The following UNC13C variants were observed in gnomAD, a reference collection of about 807,000 sequenced individuals.
UNC13C encodes protein unc-13 homolog C.
In UNC13C, 174 loss-of-function variants were observed where a neutral mutation model predicts 245.4. The observed-to-expected ratio is 0.71, with a 90% CI of 0.63 to 0.80. The LOEUF (loss-of-function observed/expected upper bound fraction) is 0.80. UNC13C is among the 30% of genes least tolerant of loss of function. UNC13C has a pLI of 0.00. For missense variants in UNC13C, 2,829 were observed against 2,602.9 expected (o/e 1.09, Z -1.89); for synonymous variants, 992 against 895.1 (o/e 1.11, Z -1.93).
intron 2 of UNC13C, among the ~76,000 whole-genome samples, chr15:54,088,834 G>C (rs930182554): frequency 6.6e-6 from 1 of 152,180 alleles, no homozygotes; most frequent in East Asian, 1.9e-4. Flanking sequence ...ATAGTTTACT[G>C]TTCTTTCTTC....
chr15:54,620,429 G>A (rs1445383624), intron 30 of UNC13C, among the ~76,000 whole-genome samples: 1 of 152,092 alleles, frequency 6.6e-6, no homozygotes, highest in Non-Finnish European at 1.5e-5. Context: ...CATAACTAAG[G>A]ACATCAAAAC....
intron 4 of UNC13C, among the ~76,000 whole-genome samples, chr15:54,188,113 C>A (rs1044488648): frequency 6.6e-6 from 1 of 152,114 alleles, no homozygotes; most frequent in African/African-American, 2.4e-5. Flanking sequence ...CCTTCGAGCC[C>A]GGCCACACTG....
At chr15:54,255,636 G>T (rs1000950973) in intron 8 of UNC13C, among the ~76,000 whole-genome samples, 1 of 151,648 alleles carries the variant, frequency 6.6e-6, no homozygotes, top group Non-Finnish European at 1.5e-5. Context: ...AGAGCATTAG[G>T]GTTTTTATAG....
the UNC13C span, among the ~76,000 whole-genome samples, chr15:53,905,392 T>C: frequency 1.2e-5 from 1 of 84,690 alleles, no homozygotes; most frequent in African/African-American, 4.2e-5. Flanking sequence ...TATATTATAT[T>C]ACTTTATACA....
chr15:54,188,339 A>C (rs2034066762), intron 4 of UNC13C, among the ~76,000 whole-genome samples: 1 of 152,196 alleles, frequency 6.6e-6, no homozygotes, highest in African/African-American at 2.4e-5. Context: ...TGTGATTATA[A>C]AGAGGTAAAC....
intron 30 of UNC13C, among the ~76,000 whole-genome samples, chr15:54,596,417 G>C (rs1032056599): frequency 6.6e-6 from 1 of 152,140 alleles, no homozygotes; most frequent in African/African-American, 2.4e-5. Flanking sequence ...GGAATATAAA[G>C]AGTATAGCCA....
intron 30 of UNC13C, among the ~76,000 whole-genome samples, chr15:54,576,585 T>G (rs759819627): frequency 3.9e-5 from 6 of 152,216 alleles, no homozygotes; most frequent in Non-Finnish European, 8.8e-5. Context: ...GGAACTGACG[T>G]TGTAGAAATC....
the UNC13C span, among the ~76,000 whole-genome samples, chr15:53,847,618 G>A: frequency 2.6e-5 from 4 of 151,064 alleles, no homozygotes; most frequent in Admixed American, 6.6e-5. Flanking sequence ...TGCCCACCTC[G>A]GCCTCCCAAA....
chr15:54,277,890 A>G (rs889436121), intron 10 of UNC13C, among the ~76,000 whole-genome samples: 31 of 152,186 alleles, frequency 2.0e-4, no homozygotes, highest in African/African-American at 7.2e-4. Context: ...TAAGTAGCTG[A>G]TAAATTGATG....
At position 54,015,898 on chromosome 15, in the gene UNC13C, T is replaced by A; in HGVS notation, c.2983+12T>A. ...GATCTTGGCTGGAGGTATTCATGTT[T>A]AAATGCTACATTGTGAGCTAATTGT... On this transcript the variant is annotated intron_variant, in intron 2 of 32. Coordinates refer to ENST00000260323, the MANE Select transcript of UNC13C (RefSeq NM_001080534.3). The A allele has an allele frequency of 1.9e-6, 3 of 1,548,562 alleles. No individual in the cohort carries two copies. The highest frequency in any genetic ancestry group is 2.6e-6 in the Non-Finnish European group (3 of 1,149,424).
At chr15:54,252,842 G>A (rs1018433801) in intron 8 of UNC13C, among the ~76,000 whole-genome samples, 1 of 152,004 alleles carries the variant, frequency 6.6e-6, no homozygotes, top group Non-Finnish European at 1.5e-5. Context: ...ACATTTCCAG[G>A]GAAAATTTCA....
At chr15:54,377,992 G>C (rs2039642891) in intron 17 of UNC13C, among the ~76,000 whole-genome samples, 1 of 152,022 alleles carries the variant, frequency 6.6e-6, no homozygotes, top group South Asian at 2.1e-4. Context: ...TCAATTTTTA[G>C]ATACAGTATG....
the UNC13C span, among the ~76,000 whole-genome samples, chr15:53,960,039 A>G: frequency 6.6e-6 from 1 of 152,304 alleles, no homozygotes; most frequent in Admixed American, 6.5e-5. Flanking sequence ...TAAAAATAAC[A>G]GTGAGATCAC....
chr15:54,239,891 T>C (rs1596066087), intron 7 of UNC13C, among the ~76,000 whole-genome samples: 1 of 152,258 alleles, frequency 6.6e-6, no homozygotes, highest in African/African-American at 2.4e-5. Context: ...TAGTCTTCTT[T>C]TGAGTAAATA....
rs370327961 is a variant in UNC13C, at chr15:54,014,076, A to T, written c.1173A>T (p.Leu391Phe). ...FETPQQRDSV[L>F]KKSYKLKGTG... ...CCCCTCAACAAAGGGATTCTGTCTT[A>T]AAAAAGTCATATAAACTCAAAGGAA... The change falls in exon 2 of 33, where the codon TTA (leucine) becomes TTT (phenylalanine). Residue 391 changes from leucine to phenylalanine, a missense_variant. Physicochemically the swap from Leu to Phe is conservative, Grantham distance 22. Coordinates refer to ENST00000260323, the MANE Select transcript of UNC13C (RefSeq NM_001080534.3). 69 of 1,613,662 alleles carry T rather than the reference A, an allele frequency of 4.3e-5. No homozygotes were observed. Among genetic ancestry groups the T allele is most frequent in the East Asian group, 6.7e-5 (3 of 44,890 alleles).
At chr15:53,859,307 A>T in the UNC13C span, among the ~76,000 whole-genome samples, 1 of 152,152 alleles carries the variant, frequency 6.6e-6, no homozygotes, top group East Asian at 1.9e-4. Context: ...TTTGGTCCAA[A>T]TATATCATCC....
intron 17 of UNC13C, among the ~76,000 whole-genome samples, chr15:54,362,558 A>G (rs1223153146): frequency 6.6e-6 from 1 of 152,148 alleles, no homozygotes; most frequent in Non-Finnish European, 1.5e-5. Flanking sequence ...TGCTGACATA[A>G]CTTTTCTCAG....
At chr15:53,951,680 G>C in the UNC13C span, among the ~76,000 whole-genome samples, 1 of 152,076 alleles carries the variant, frequency 6.6e-6, no homozygotes, top group African/African-American at 2.4e-5. Context: ...TGTTTGGCCC[G>C]CAAATCCATG....
At chr15:54,261,465 AATCT>A (rs1393937736) in intron 8 of UNC13C, among the ~76,000 whole-genome samples, 1 of 152,254 alleles carries the variant, frequency 6.6e-6, no homozygotes, top group Non-Finnish European at 1.5e-5. Context: ...TGAGCTAAAC[AATCT>A]AAGATGAATA....
Sources: gnomAD v4.1 joint callset for allele counts (sites outside exome capture counted in the v4.1 genomes callset) on GRCh38, gnomAD v4.1.1 for gene constraint, MANE v1.5 for transcripts, NCBI Gene and HGNC (gene_info 2026-07-23, HGNC 2026-07-21) for gene names.